Variants in LIPI observed in about 807,000 individuals in gnomAD.
LIPI encodes lipase I.
Under a neutral mutation model 50.6 loss-of-function variants are expected in LIPI, and 59 were observed. The ratio of observed to expected loss-of-function variants is 1.16; its 90% CI spans 0.94 to 1.45. LIPI has a LOEUF of 1.45. Among genes scored for constraint, LIPI ranks in the 40% most tolerant of loss-of-function variants. The pLI is 0.00. For missense variants in LIPI, 586 were observed against 536.3 expected (o/e 1.09, Z -0.92); for synonymous variants, 203 against 178.2 (o/e 1.14, Z -1.11).
Position 14,194,138 on chromosome 21 carries a change from C to A in LIPI, c.47-4719G>T, listed in dbSNP as rs553163916. 1.6e-4 allele frequency among the ~76,000 whole-genome samples: 24 copies of A among 152,112 alleles called. No homozygotes were observed. In the South Asian group the frequency reaches 3.3e-3, roughly 21 times the overall value. ...GATACTTGCTAAAAACACACACACACAAAAATGGAAAATAACAACTGTTGG... is the reference window on the plus strand; with the variant it reads ...GATACTTGCTAAAAACACACACACAAAAAAATGGAAAATAACAACTGTTGG... On this transcript the variant is annotated intron_variant, in intron 1 of 9. Coordinates refer to ENST00000681601, the MANE Select transcript of LIPI (RefSeq NM_001302998.2).
chr21:14,120,742 G>A (rs2016830232), intron 9 of LIPI, among the ~76,000 whole-genome samples: 3 of 152,224 alleles, frequency 2.0e-5, no homozygotes, highest in Non-Finnish European at 4.4e-5. Flanking sequence ...AAAGGAGGCT[G>A]GTGGAAGTTT....
intron 4 of LIPI, among the ~76,000 whole-genome samples, chr21:14,170,007 T>C (rs2123185174): frequency 6.6e-6 from 1 of 151,756 alleles, no homozygotes; most frequent in East Asian, 1.9e-4. Context: ...ATCAAATAGA[T>C]GCAATAAAAA....
chr21:14,174,015 A>C (rs890481790), intron 4 of LIPI, among the ~76,000 whole-genome samples: 1 of 152,178 alleles, frequency 6.6e-6, no homozygotes, highest in Non-Finnish European at 1.5e-5. Flanking sequence ...ACAAGAAAAA[A>C]ATTTAACAGG....
At chr21:14,177,501 TTC>T (rs1276418555) in intron 4 of LIPI, among the ~76,000 whole-genome samples, 2 of 152,038 alleles carry the variant, frequency 1.3e-5, no homozygotes, top group African/African-American at 2.4e-5. Flanking sequence ...TATGCATTCT[TTC>T]TCTCTTTTCT....
chr21:14,116,902 A>G (rs543079880), intron 9 of LIPI, among the ~76,000 whole-genome samples: 32 of 152,312 alleles, frequency 2.1e-4, no homozygotes, highest in Non-Finnish European at 3.8e-4. Context: ...GCCCCGCCAG[A>G]GGAGCTAGAG....
intron 9 of LIPI, among the ~76,000 whole-genome samples, chr21:14,122,306 C>G (rs1311302671): frequency 6.6e-6 from 1 of 152,152 alleles, no homozygotes; most frequent in East Asian, 1.9e-4. Flanking sequence ...GTCTATGACC[C>G]AAGTCATGGG....
chr21:14,134,759 C>T lies in LIPI; in HGVS notation c.1295+9864G>A, dbSNP rs191714291. ...CCATAGGCAGAATAATGAAACTGGA[C>T]CCCTGTCTCCCACCATATACAAAGG... On this transcript the variant is annotated intron_variant, in intron 9 of 9. Coordinates refer to ENST00000681601, the MANE Select transcript of LIPI (RefSeq NM_001302998.2). 3.6e-3 allele frequency among the ~76,000 whole-genome samples: 543 copies of T among 152,144 alleles called. 2 individuals carry two copies. The highest frequency in any genetic ancestry group is 0.011 in the African/African-American group (468 of 41,504).
intron 3 of LIPI, among the ~76,000 whole-genome samples, chr21:14,182,271 GC>G (rs1048523946): frequency 4.6e-5 from 7 of 152,134 alleles, no homozygotes; most frequent in African/African-American, 1.7e-4. Context: ...GACCTGAAAA[GC>G]TTTTTTAGGT....
chr21:14,185,069 G>T (rs1444623089), intron 3 of LIPI, among the ~76,000 whole-genome samples: 1 of 152,090 alleles, frequency 6.6e-6, no homozygotes, highest in Non-Finnish European at 1.5e-5. Flanking sequence ...AACAAAAAAG[G>T]TAAATTGGTT....
In LIPI at chr21:14,196,172, A is replaced by AT. The variant is rs139955022; in HGVS notation, c.47-6754_47-6753insA. On this transcript the variant is annotated intron_variant, in intron 1 of 9. Transcript: ENST00000681601. ...CCAAATTGTAAAAAAAAAAAACAAA[A>AT]CAAGAAGTATATGGGTAAATAAACT... is the stretch of plus-strand genomic sequence containing the variant. 8.0e-3 allele frequency among the ~76,000 whole-genome samples: 1,113 copies of AT among 138,302 alleles called. 28 individuals carry two copies. Among genetic ancestry groups the AT allele is most frequent in the African/African-American group, 0.018 (699 of 37,852 alleles). 90.7% of individuals were successfully genotyped at this position (138,302 alleles called of 152,430 possible).
At chr21:14,158,591 T>A (rs761561660) in intron 7 of LIPI, among the ~76,000 whole-genome samples, 60 of 147,906 alleles carry the variant, frequency 4.1e-4, no homozygotes, top group Middle Eastern at 7.1e-3. Context: ...AATATATATT[T>A]TATATATATA....
chr21:14,176,680 G>GTT (rs34940495), intron 4 of LIPI, among the ~76,000 whole-genome samples: 1,541 of 141,654 alleles, frequency 0.011, 28 homozygotes, highest in African/African-American at 0.031. Flanking sequence ...TGAGAATATT[G>GTT]TTTTTTTTTC....
rs185480651 is a variant in LIPI, at chr21:14,163,268, G to A, written c.1006+151C>T. On this transcript the variant is annotated intron_variant, in intron 7 of 9. Transcript: ENST00000681601. ...CTAAAAAAAGATCAAGTCCTTAGTT[G>A]AATTTGTCCCACTGGCTATAGCAAA... The A allele has an allele frequency of 1.8e-5, 10 of 550,814 alleles. No homozygotes were observed. The East Asian group carries it at 3.0e-4, about 17-fold the overall frequency. The allele number at this position is 550,814 out of a possible 1,614,324, so 34.1% of individuals were successfully genotyped here.
At chr21:14,132,382 G>A (rs2017330511) in intron 9 of LIPI, among the ~76,000 whole-genome samples, 1 of 152,132 alleles carries the variant, frequency 6.6e-6, no homozygotes, top group Non-Finnish European at 1.5e-5. Context: ...GAAACCTTAT[G>A]AGCCAGAAGA....
rs752930332 is a variant in LIPI at position 14,123,850 on chromosome 21, T to C, written c.1296-14770A>G. The stretch of plus-strand genomic sequence containing the variant: ...AAATGAGAGACACTATATACCAAAA[T>C]AGGCTAGCATTAGACTACCTCCTGG... On this transcript the variant is annotated intron_variant, in intron 9 of 9. Transcript: ENST00000681601. Among the ~76,000 whole-genome samples, 3 of 152,142 alleles carry C rather than the reference T, an allele frequency of 2.0e-5. No homozygotes were observed. In the East Asian group the frequency reaches 5.8e-4, roughly 29 times the overall value.
intron 4 of LIPI, among the ~76,000 whole-genome samples, chr21:14,180,663 G>A (rs1051103590): frequency 2.0e-5 from 3 of 152,314 alleles, no homozygotes; most frequent in Non-Finnish European, 4.4e-5. Context: ...TAAGACATGA[G>A]AGGTTTGGAT....
intron 9 of LIPI, among the ~76,000 whole-genome samples, chr21:14,131,377 A>G (rs546165565): frequency 6.6e-6 from 1 of 152,278 alleles, no homozygotes. Flanking sequence ...TTAGCATCCA[A>G]GTCCCCATCA....
In LIPI at chr21:14,138,571, CACTT is replaced by C. The variant is rs1253011466; in HGVS notation, c.1295+6048_1295+6051del. 5.9e-5 allele frequency among the ~76,000 whole-genome samples: 9 copies of C among 152,014 alleles called. No homozygotes were observed. The East Asian group carries it at 1.7e-3, about 29-fold the overall frequency. On this transcript the variant is annotated intron_variant, in intron 9 of 9. Transcript: ENST00000681601. Reference sequence around the variant, plus strand: ...TCAAGGTATTTTTATAAGAAAAAGTCACTTAATTTTCTCCAATTATGGAATACTT... The same window carrying C: ...TCAAGGTATTTTTATAAGAAAAAGTCAATTTTCTCCAATTATGGAATACTT...
chr21:14,189,160 A>T lies in LIPI; in HGVS notation c.306T>A (p.Asn102Lys). Residue 102 changes from asparagine (N) to lysine (K), a missense_variant, in exon 2 of 10, where the codon AAT (asparagine) becomes AAA (lysine). By Grantham distance (94) the Asn-to-Lys change is moderately conservative. Transcript: ENST00000681601. ...CTACAATTACATTCATATCTTCTTC[A>T]TTCAGCAAAATCCTTACGAAGTTCT... ...WLQNFVRILL[N>K]EEDMNVIVVD... The T allele has an allele frequency of 1.2e-6, 2 of 1,614,132 alleles. No homozygotes were observed. The highest frequency in any genetic ancestry group is 2.2e-5 in the East Asian group (1 of 44,864).
Sources: allele counts gnomAD v4.1 joint callset (sites outside exome capture counted in the v4.1 genomes callset), GRCh38; gene constraint gnomAD v4.1.1; transcripts MANE v1.5; gene names NCBI Gene and HGNC (gene_info 2026-07-23, HGNC 2026-07-21).